TBX5: variants seen among roughly 807,000 people sequenced by gnomAD.
TBX5 encodes T-box transcription factor 5.
In TBX5, 8 loss-of-function variants were observed where a neutral mutation model predicts 51.1. The ratio of observed to expected loss-of-function variants is 0.16; its 90% CI spans 0.09 to 0.28. TBX5 has a LOEUF of 0.28. Among genes scored for constraint, TBX5 ranks in the 10% least tolerant of loss-of-function variants. The pLI is 1.00. For synonymous variants in TBX5, 302 were observed against 266.4 expected (o/e 1.13, Z -1.30); for missense variants, 589 against 671.7 (o/e 0.88, Z 1.36).
chr12:114,373,943 A>G (rs1260334363), intron 7 of TBX5, among the ~76,000 whole-genome samples: 2 of 152,212 alleles, frequency 1.3e-5, no homozygotes, highest in Non-Finnish European at 2.9e-5. Context: ...GGAGTCCTCC[A>G]AGGCCTCAAT....
At chr12:114,356,920 T>C (rs1868949644) in intron 8 of TBX5, among the ~76,000 whole-genome samples, 1 of 152,188 alleles carries the variant, frequency 6.6e-6, no homozygotes, top group Non-Finnish European at 1.5e-5. Context: ...AGAATCCAAG[T>C]AGTCTGACCA....
Position 114,398,630 on chromosome 12 carries a change from C to A in TBX5, c.453G>T (p.Gln151His). The change falls in exon 5 of 9, where the codon CAG (glutamine) becomes CAT (histidine). Residue 151 changes from glutamine to histidine, a missense_variant. Gln to His is a conservative substitution (Grantham distance 24). This residue lies in a region of TBX5 where 85 missense variants were observed against 95.6 expected (regional missense o/e 0.89). Coordinates refer to ENST00000405440, the MANE Select transcript of TBX5 (RefSeq NM_181486.4). ...GCTTGAGTTTCTGGAAGGAGACGAG[C>A]TGCCTCATCCAATGCGCCCCGGTGG... ...SPATGAHWMRQLVSFQKLKLT... is the reference protein window; with the variant it reads ...SPATGAHWMRHLVSFQKLKLT... 1 of 1,613,672 alleles carries A rather than the reference C, an allele frequency of 6.2e-7. No homozygotes were observed. The highest frequency in any genetic ancestry group is 8.5e-7 in the Non-Finnish European group (1 of 1,179,872).
intron 7 of TBX5, among the ~76,000 whole-genome samples, chr12:114,372,436 CT>C (rs1485763433): frequency 6.6e-6 from 1 of 151,738 alleles, no homozygotes; most frequent in Non-Finnish European, 1.5e-5. Flanking sequence ...TCCCAGGTAG[CT>C]GGAACTGTAG....
intron 7 of TBX5, among the ~76,000 whole-genome samples, chr12:114,367,365 T>G (rs1869604186): frequency 6.6e-6 from 1 of 152,030 alleles, no homozygotes; most frequent in Admixed American, 6.6e-5. Flanking sequence ...CACACAACCC[T>G]CCCCTGAGCT....
chr12:114,355,138 C>A lies in TBX5; in HGVS notation c.*394G>T. ...TATATAACAATGTCAACATTAACAC[C>A]AAGACAGGGACAGACTCCAACTACG... On this transcript the variant is annotated 3_prime_UTR_variant, in exon 9 of 9. Transcript: ENST00000405440. 6.3e-6 allele frequency: 2 copies of A among 315,422 alleles called. No individual in the cohort carries two copies. The highest frequency in any genetic ancestry group is 1.3e-5 in the Non-Finnish European group (2 of 159,858). The allele number at this position is 315,422 out of a possible 1,614,324, so 19.5% of individuals were successfully genotyped here. A position where few individuals can be genotyped will look rare whatever the true frequency, so the allele number is the denominator to read the frequency against.
chr12:114,386,137 CATA>C (rs1870805554), intron 6 of TBX5, among the ~76,000 whole-genome samples: 1 of 152,176 alleles, frequency 6.6e-6, no homozygotes, highest in Admixed American at 6.5e-5. Context: ...CGCCAATATA[CATA>C]ATGATAACTT....
At chr12:114,362,362 C>T (rs1869289064) in intron 8 of TBX5, among the ~76,000 whole-genome samples, 1 of 152,192 alleles carries the variant, frequency 6.6e-6, no homozygotes, top group African/African-American at 2.4e-5. Context: ...GCTGGCATCT[C>T]ACTGGTCCCT....
intron 5 of TBX5, among the ~76,000 whole-genome samples, chr12:114,397,770 G>A (rs529512130): frequency 4.9e-4 from 74 of 151,696 alleles, no homozygotes; most frequent in Non-Finnish European, 8.8e-4. Context: ...GGAGAAAGCT[G>A]GTTGTTGGAA....
rs1871570676 is a variant in TBX5, at chr12:114,398,615, C to T, written c.468G>A (p.Gln156=). 8 of 1,613,650 alleles carry T rather than the reference C, an allele frequency of 5.0e-6. 1 individual carries two copies. In the East Asian group the frequency reaches 1.8e-4, roughly 36 times the overall value. The change falls in exon 5 of 9, where the codon CAG becomes CAA. Residue 156 remains glutamine, a synonymous_variant. Coordinates refer to ENST00000405440, the MANE Select transcript of TBX5 (RefSeq NM_181486.4). ...GGTGGTTGTTGGTGAGCTTGAGTTTCTGGAAGGAGACGAGCTGCCTCATCC... is the reference window on the plus strand; with the variant it reads ...GGTGGTTGTTGGTGAGCTTGAGTTTTTGGAAGGAGACGAGCTGCCTCATCC... ...AHWMRQLVSF[Q]KLKLTNNHLD...
Position 114,398,626 on chromosome 12 carries a change from C to A in TBX5, c.457G>T (p.Val153Phe). 6.2e-7 allele frequency: 1 copy of A among 1,613,582 alleles called. No individual in the cohort carries two copies. Among genetic ancestry groups the A allele is most frequent in the Non-Finnish European group, 8.5e-7 (1 of 1,179,868 alleles). Residue 153 changes from valine to phenylalanine, a missense_variant, in exon 5 of 9, where the codon GTC becomes TTC. Around this residue, in one of 7 missense-constraint regions of TBX5, gnomAD observed 85 missense variants for 95.6 expected, o/e 0.89. Transcript: ENST00000405440. Reference sequence around the variant, plus strand: ...GTGAGCTTGAGTTTCTGGAAGGAGACGAGCTGCCTCATCCAATGCGCCCCG... The same window carrying A: ...GTGAGCTTGAGTTTCTGGAAGGAGAAGAGCTGCCTCATCCAATGCGCCCCG... The part of the protein sequence containing the change: ...ATGAHWMRQL[V>F]SFQKLKLTNN...
At chr12:114,380,656 AG>A (rs141101700) in intron 7 of TBX5, among the ~76,000 whole-genome samples, 41,666 of 151,952 alleles carry the variant, frequency 0.27, 5,938 homozygotes, top group South Asian at 0.37. Flanking sequence ...TGGGCAACAT[AG>A]TGAGATTCCG....
chr12:114,359,688 G>T (rs774113845), intron 8 of TBX5, among the ~76,000 whole-genome samples: 16 of 152,198 alleles, frequency 1.1e-4, no homozygotes, highest in Non-Finnish European at 1.8e-4. Flanking sequence ...AGTGAATTTA[G>T]TAATGCATCC....
At chr12:114,399,915 C>T (rs1871700945) in intron 3 of TBX5, among the ~76,000 whole-genome samples, 1 of 152,214 alleles carries the variant, frequency 6.6e-6, no homozygotes, top group South Asian at 2.1e-4. Flanking sequence ...GAAGATGCTT[C>T]AAAGGGACCT....
chr12:114,389,888 G>C (rs1372105761), intron 6 of TBX5, among the ~76,000 whole-genome samples: 1 of 149,880 alleles, frequency 6.7e-6, no homozygotes, highest in Non-Finnish European at 1.5e-5. Context: ...CCAGAATTTA[G>C]TGAGGATCTC....
At chr12:114,377,801 A>G (rs1447595965) in intron 7 of TBX5, among the ~76,000 whole-genome samples, 1 of 152,026 alleles carries the variant, frequency 6.6e-6, no homozygotes, top group Non-Finnish European at 1.5e-5. Context: ...TCTTGCACCC[A>G]TTTTCAGAAG....
rs1869532900 is a variant in TBX5, at chr12:114,366,273, G to T, written c.874C>A (p.Gln292Lys). 1.2e-6 allele frequency: 2 copies of T among 1,613,988 alleles called. No individual in the cohort carries two copies. The highest frequency in any genetic ancestry group is 1.3e-5 in the African/African-American group (1 of 74,896). ...STSSNLGSQYQCENGVSGPSQ... is the reference protein window; with the variant it reads ...STSSNLGSQYKCENGVSGPSQ... ...GGGCCGGAAACACCATTCTCACACT[G>T]GTATTGGGACCCCAAATTGGATGAG... Residue 292 changes from glutamine (Q) to lysine (K), a missense_variant, in exon 8 of 9, where the codon CAG (glutamine) becomes AAG (lysine). Transcript: ENST00000405440.
chr12:114,366,194 C>T lies in TBX5; in HGVS notation c.953G>A (p.Ser318Asn). 2 of 1,613,996 alleles carry T rather than the reference C, an allele frequency of 1.2e-6. No individual in the cohort carries two copies. Among genetic ancestry groups the T allele is most frequent in the Non-Finnish European group, 8.5e-7 (1 of 1,179,994 alleles). Residue 318 changes from serine to asparagine, a missense_variant, in exon 8 of 9, where the codon AGC becomes AAC. By Grantham distance (46) the Ser-to-Asn change is conservative. Around this residue, in one of 7 missense-constraint regions of TBX5, gnomAD observed 348 missense variants for 360.4 expected, o/e 0.97. Transcript: ENST00000405440. ...PNPYPLPQEH[S>N]QIYHCTKRKE... is the part of the protein sequence containing the mutation. ...CCTCTTGGTACAATGGTAAATTTGG[C>T]TATGCTCCTGGGGCAGTGGGTATGG...
rs1327491279 is a variant in TBX5, at chr12:114,393,713, C to A, written c.663+1028G>T. Reference sequence around the variant, plus strand: ...GGATTTTGAACCTCATGGGGTCTGACTTTCACACAATCCATGCGACAGCAT... The same window carrying A: ...GGATTTTGAACCTCATGGGGTCTGAATTTCACACAATCCATGCGACAGCAT... On this transcript the variant is annotated intron_variant, in intron 6 of 8. Transcript: ENST00000405440. Among the ~76,000 whole-genome samples the A allele has an allele frequency of 2.0e-5, 3 of 152,134 alleles. No homozygotes were observed. In the East Asian group the frequency reaches 5.8e-4, roughly 29 times the overall value.
intron 7 of TBX5, among the ~76,000 whole-genome samples, chr12:114,383,537 C>A (rs1476455761): frequency 6.6e-6 from 1 of 152,122 alleles, no homozygotes; most frequent in Admixed American, 6.5e-5. Flanking sequence ...TTCTCCACTG[C>A]AAAGAGAACT....
Sources: gnomAD v4.1 joint callset for allele counts (sites outside exome capture counted in the v4.1 genomes callset) on GRCh38, gnomAD v4.1.1 for gene constraint, gnomAD v4.1.1 regional missense constraint, MANE v1.5 for transcripts, NCBI Gene and HGNC (gene_info 2026-07-23, HGNC 2026-07-21) for gene names.